Variants in CHRM3 observed in about 807,000 individuals in gnomAD.
CHRM3 encodes the protein cholinergic receptor muscarinic 3.
In CHRM3, 11 loss-of-function variants were observed where a neutral mutation model predicts 41.8. That is an observed-to-expected ratio of 0.26 (90% CI 0.17 to 0.44). The LOEUF (loss-of-function observed/expected upper bound fraction) is 0.44, where lower values mean the gene tolerates loss of function less well. Among genes scored for constraint, CHRM3 ranks in the 20% least tolerant of loss-of-function variants. The pLI, the probability that CHRM3 is intolerant of heterozygous loss-of-function variation, is 1.00. For missense variants in CHRM3, 571 were observed against 745.4 expected (o/e 0.77, Z 2.72); for synonymous variants, 297 against 301.4 (o/e 0.99, Z 0.15).
chr1:239,564,979 G>A (rs577632131), intron 3 of CHRM3, among the ~76,000 whole-genome samples: 1 of 152,286 alleles, frequency 6.6e-6, no homozygotes, highest in Admixed American at 6.5e-5. Context: ...GGCTCCAGGG[G>A]AGAATCCTTT....
chr1:239,451,848 T>TA (rs1664578826), intron 1 of CHRM3, among the ~76,000 whole-genome samples: 2 of 152,248 alleles, frequency 1.3e-5, no homozygotes, highest in African/African-American at 4.8e-5. Flanking sequence ...TACTGCCTTT[T>TA]AAAATGGAAT....
intron 3 of CHRM3, among the ~76,000 whole-genome samples, chr1:239,572,247 G>A (rs986724679): frequency 5.9e-5 from 9 of 152,188 alleles, no homozygotes; most frequent in Non-Finnish European, 1.0e-4. Context: ...GACAGCCCCA[G>A]TGACTGCTGA....
Position 239,805,409 on chromosome 1 carries a change from A to G in CHRM3, c.-146-21843A>G, listed in dbSNP as rs1670555070. ...GATAAATACCTTTGACTGCAGGTCT[A>G]TCAGCAAGTACCTATTGAGAATTTA... On this transcript the variant is annotated intron_variant, in intron 5 of 6. Transcript: ENST00000676153. Among the ~76,000 whole-genome samples, 4 of 152,358 alleles carry G rather than the reference A, an allele frequency of 2.6e-5. No homozygotes were observed. The East Asian group carries it at 7.7e-4, about 29-fold the overall frequency.
At chr1:239,680,010 T>C (rs1037019217) in intron 5 of CHRM3, among the ~76,000 whole-genome samples, 1 of 152,080 alleles carries the variant, frequency 6.6e-6, no homozygotes, top group Admixed American at 6.6e-5. Flanking sequence ...TCAGAATTTT[T>C]TAAAGTTCCT....
chr1:239,461,792 G>A (rs923469456), intron 1 of CHRM3, among the ~76,000 whole-genome samples: 11 of 151,698 alleles, frequency 7.3e-5, no homozygotes, highest in African/African-American at 1.7e-4. Flanking sequence ...ACATCAGGAC[G>A]TCAGCATATT....
At chr1:239,404,184 G>A (rs529101304) in intron 1 of CHRM3, among the ~76,000 whole-genome samples, 27 of 151,016 alleles carry the variant, frequency 1.8e-4, no homozygotes, top group Admixed American at 1.3e-3. Flanking sequence ...AGCTACTCGG[G>A]AGGCTGAGGC....
intron 2 of CHRM3, among the ~76,000 whole-genome samples, chr1:239,533,017 T>C (rs1657810720): frequency 6.6e-6 from 1 of 152,198 alleles, no homozygotes; most frequent in Admixed American, 6.5e-5. Flanking sequence ...CTTCTGGAAA[T>C]AATATATTAT....
intron 1 of CHRM3, among the ~76,000 whole-genome samples, chr1:239,467,589 C>T (rs1212978165): frequency 2.0e-5 from 3 of 152,134 alleles, no homozygotes; most frequent in Non-Finnish European, 2.9e-5. Flanking sequence ...TGTGAGCCAC[C>T]GTGCCCGGCC....
chr1:239,489,963 A>G (rs1238275897), intron 1 of CHRM3, among the ~76,000 whole-genome samples: 1 of 152,118 alleles, frequency 6.6e-6, no homozygotes. Flanking sequence ...GATGTTAACA[A>G]TAGACTACCT....
intron 5 of CHRM3, among the ~76,000 whole-genome samples, chr1:239,779,751 AAT>A (rs1329542293): frequency 6.6e-6 from 1 of 152,202 alleles, no homozygotes; most frequent in African/African-American, 2.4e-5. Context: ...AGAAAAAAAG[AAT>A]AGTGTCACCT....
chr1:239,851,961 G>A (rs1305839571), intron 6 of CHRM3, among the ~76,000 whole-genome samples: 1 of 152,068 alleles, frequency 6.6e-6, no homozygotes. Flanking sequence ...CTGGCCCACT[G>A]AGTCAGTCTG....
intron 5 of CHRM3, among the ~76,000 whole-genome samples, chr1:239,765,259 A>G (rs513207): frequency 0.73 from 111,591 of 152,056 alleles, 41,345 homozygotes; most frequent in African/African-American, 0.76. Context: ...CGTTCAGGCA[A>G]CCTAGGGATC....
chr1:239,736,037 G>A (rs1236667539), intron 5 of CHRM3, among the ~76,000 whole-genome samples: 25 of 152,062 alleles, frequency 1.6e-4, no homozygotes, highest in Admixed American at 1.6e-3. Flanking sequence ...AGGGTAAGGA[G>A]AACTAAACCC....
At chr1:239,797,063 A>G (rs1339755600) in intron 5 of CHRM3, among the ~76,000 whole-genome samples, 1 of 152,238 alleles carries the variant, frequency 6.6e-6, no homozygotes, top group African/African-American at 2.4e-5. Context: ...ACATGGATGC[A>G]GCTGGAGGCC....
chr1:239,772,068 TACA>T (rs1667720810), intron 5 of CHRM3, among the ~76,000 whole-genome samples: 1 of 152,224 alleles, frequency 6.6e-6, no homozygotes, highest in Non-Finnish European at 1.5e-5. Flanking sequence ...CAGAGGAATA[TACA>T]ACAATTGTTA....
rs1333890018 is a variant in CHRM3, at chr1:239,508,140, A to G, written c.-422+15333A>G. The stretch of plus-strand genomic sequence containing the variant: ...GTAATTATATTCAAATTAATTTCCC[A>G]AAGAAAACAATTAAATTGGCTCTCC... On this transcript the variant is annotated intron_variant, in intron 2 of 6. Coordinates refer to ENST00000676153, the MANE Select transcript of CHRM3 (RefSeq NM_001375978.1). Among the ~76,000 whole-genome samples, 3 of 152,340 alleles carry G rather than the reference A, an allele frequency of 2.0e-5. No homozygotes were observed. The East Asian group carries it at 5.8e-4, about 29-fold the overall frequency.
chr1:239,469,429 A>G (rs1665955800), intron 1 of CHRM3, among the ~76,000 whole-genome samples: 2 of 152,242 alleles, frequency 1.3e-5, no homozygotes, highest in Non-Finnish European at 2.9e-5. Flanking sequence ...TTTTTAACAA[A>G]TGCACGTTTG....
chr1:239,846,877 G>A (rs1674309850), intron 6 of CHRM3, among the ~76,000 whole-genome samples: 1 of 152,192 alleles, frequency 6.6e-6, no homozygotes, highest in East Asian at 1.9e-4. Context: ...AGAACATCTT[G>A]TAAGATGAGT....
intron 6 of CHRM3, among the ~76,000 whole-genome samples, chr1:239,858,493 C>T (rs370750235): frequency 2.1e-5 from 3 of 144,628 alleles, no homozygotes; most frequent in African/African-American, 7.7e-5. Context: ...AGTGTCTTAA[C>T]CTTTATGTGC....
Sources: allele counts gnomAD v4.1 joint callset (sites outside exome capture counted in the v4.1 genomes callset), GRCh38; gene constraint gnomAD v4.1.1; transcripts MANE v1.5; gene names NCBI Gene and HGNC (gene_info 2026-07-23, HGNC 2026-07-21).